CFAP61: variants seen among roughly 807,000 people sequenced by gnomAD.
CFAP61 encodes the protein cilia- and flagella-associated protein 61.
CFAP61 carries 107 observed loss-of-function variants against 135.6 expected under a neutral mutation model. The ratio of observed to expected loss-of-function variants is 0.79; its 90% CI spans 0.67 to 0.93. CFAP61 has a LOEUF of 0.93. CFAP61 is among the 40% of genes least tolerant of loss of function. The probability of loss-of-function intolerance (pLI) is 0.00; values close to 1 mark genes in which losing one functional copy is unlikely to be tolerated. For synonymous variants in CFAP61, 575 were observed against 578.5 expected, an observed-to-expected ratio of 0.99 and a Z score of 0.09; for missense variants, 1,507 against 1,556.2, an observed-to-expected ratio of 0.97 and a Z score of 0.53.
intron 22 of CFAP61, among the ~76,000 whole-genome samples, chr20:20,278,739 A>C (rs2053963025): frequency 6.6e-6 from 1 of 152,198 alleles, no homozygotes; most frequent in Non-Finnish European, 1.5e-5. Context: ...AGGGGCTCAA[A>C]GCAGACCACT....
intron 9 of CFAP61, among the ~76,000 whole-genome samples, chr20:20,158,201 C>A (rs995564517): frequency 1.3e-5 from 2 of 151,426 alleles, no homozygotes; most frequent in African/African-American, 4.9e-5. Flanking sequence ...TGTAACTAAT[C>A]TGCACAATGT....
At chr20:20,246,630 TGCCA>T (rs1472261762) in intron 19 of CFAP61, among the ~76,000 whole-genome samples, 2 of 152,256 alleles carry the variant, frequency 1.3e-5, no homozygotes, top group African/African-American at 4.8e-5. Flanking sequence ...AGAACTTCCA[TGCCA>T]GTCTGGGTGA....
chr20:20,195,611 G>A (rs111452216), intron 15 of CFAP61, among the ~76,000 whole-genome samples: 3 of 131,006 alleles, frequency 2.3e-5, no homozygotes, highest in Non-Finnish European at 3.1e-5. Context: ...CTGTGGAAAC[G>A]AGCAGTGTGC....
At position 20,142,466 on chromosome 20, in the gene CFAP61, A is replaced by T. The variant is rs115199757; in HGVS notation, c.860-391A>T. The stretch of plus-strand genomic sequence containing the variant: ...TCAAAGCCCACCATCGAGGAAGCTG[A>T]TAACCCATTGTTTGTAAACTTCAAA... On this transcript the variant is annotated intron_variant, in intron 8 of 26. Transcript: ENST00000245957. 7.6e-3 allele frequency among the ~76,000 whole-genome samples: 1,164 copies of T among 152,324 alleles called. 10 individuals are homozygous for T. Among genetic ancestry groups the T allele is most frequent in the African/African-American group, 0.026 (1,094 of 41,576 alleles).
intron 26 of CFAP61, among the ~76,000 whole-genome samples, chr20:20,344,668 T>C (rs1318771893): frequency 6.6e-6 from 1 of 152,138 alleles, no homozygotes; most frequent in Non-Finnish European, 1.5e-5. Flanking sequence ...AAAATTAGTA[T>C]AGCCACTGTA....
At chr20:20,137,681 A>G (rs2051043733) in intron 8 of CFAP61, among the ~76,000 whole-genome samples, 1 of 152,124 alleles carries the variant, frequency 6.6e-6, no homozygotes, top group Non-Finnish European at 1.5e-5. Flanking sequence ...AGGTCCAGAG[A>G]TGCCATTCAA....
At chr20:20,055,607 T>C (rs1000415849) in intron 1 of CFAP61, among the ~76,000 whole-genome samples, 1 of 152,248 alleles carries the variant, frequency 6.6e-6, no homozygotes, top group Non-Finnish European at 1.5e-5. Context: ...GTTTTCTTTT[T>C]ACCAAAGTCA....
intron 6 of CFAP61, among the ~76,000 whole-genome samples, chr20:20,090,586 A>C (rs1238002070): frequency 6.7e-6 from 1 of 149,612 alleles, no homozygotes; most frequent in African/African-American, 2.5e-5. Flanking sequence ...CCTACTCGGG[A>C]GGCTGAGGCA....
intron 20 of CFAP61, chr20:20,253,542 T>TA (rs2051183650): frequency 9.4e-5 from 45 of 481,154 alleles, no homozygotes; most frequent in South Asian, 5.4e-4. Flanking sequence ...TGTAAACCCT[T>TA]ACGTTCAGCA....
At position 20,075,613 on chromosome 20, in the gene CFAP61, C is replaced by T; in HGVS notation, c.564C>T (p.Ala188=). 6.2e-7 allele frequency: 1 copy of T among 1,614,054 alleles called. No individual in the cohort carries two copies. The highest frequency in any genetic ancestry group is 8.5e-7 in the Non-Finnish European group (1 of 1,179,928). The change falls in exon 6 of 27, where the codon GCC becomes GCT. Residue 188 remains alanine (A), a splice_region_variant and synonymous_variant. Transcript: ENST00000245957. ...SHYPQLHVRK[A]RVEDHDDLMP... Reference sequence around the variant, plus strand: ...ATCCTCAGCTGCACGTTCGCAAAGCCAGGTACAGTTGGAGTCATGCCTTGT... The same window carrying T: ...ATCCTCAGCTGCACGTTCGCAAAGCTAGGTACAGTTGGAGTCATGCCTTGT...
intron 2 of CFAP61, among the ~76,000 whole-genome samples, chr20:20,064,484 GAAGGCAGTTACCAGATCTA>G (rs888557775): frequency 1.1e-4 from 16 of 152,272 alleles, no homozygotes; most frequent in African/African-American, 3.1e-4. Flanking sequence ...TCTGGTAACA[GAAGGCAGTTACCAGATCTA>G]ATACTAAGTG....
chr20:20,303,954 G>A (rs928550181), intron 25 of CFAP61, among the ~76,000 whole-genome samples: 3 of 152,136 alleles, frequency 2.0e-5, no homozygotes, highest in African/African-American at 4.8e-5. Context: ...CCAAAACAGC[G>A]CAGGCACTAG....
intron 6 of CFAP61, among the ~76,000 whole-genome samples, chr20:20,090,582 C>T (rs751598955): frequency 6.6e-6 from 1 of 150,456 alleles, no homozygotes; most frequent in Admixed American, 6.7e-5. Context: ...CCCACCTACT[C>T]GGGAGGCTGA....
chr20:20,138,904 T>A (rs985591342), intron 8 of CFAP61, among the ~76,000 whole-genome samples: 10 of 152,216 alleles, frequency 6.6e-5, no homozygotes, highest in African/African-American at 2.2e-4. Context: ...TTCATTCTGT[T>A]CTATTCTTGC....
intron 17 of CFAP61, among the ~76,000 whole-genome samples, chr20:20,212,180 T>C (rs1400659877): frequency 2.6e-5 from 4 of 152,074 alleles, no homozygotes; most frequent in Non-Finnish European, 5.9e-5. Context: ...GCTCAGTACT[T>C]CCACCACCCC....
At chr20:20,234,800 G>T (rs1479729082) in intron 18 of CFAP61, among the ~76,000 whole-genome samples, 2 of 152,106 alleles carry the variant, frequency 1.3e-5, no homozygotes, top group African/African-American at 4.8e-5. Flanking sequence ...AGAAGCGACG[G>T]TGGAGTGGAG....
At chr20:20,091,254 C>A (rs1465512923) in intron 7 of CFAP61, among the ~76,000 whole-genome samples, 1 of 152,280 alleles carries the variant, frequency 6.6e-6, no homozygotes, top group Non-Finnish European at 1.5e-5. Flanking sequence ...CCCAGGGGTG[C>A]GTAGGGGGAT....
At chr20:20,212,294 C>T (rs149358555) in intron 17 of CFAP61, among the ~76,000 whole-genome samples, 13 of 152,270 alleles carry the variant, frequency 8.5e-5, no homozygotes, top group Admixed American at 7.8e-4. Context: ...CTCTCTGTCC[C>T]TCTCTCCCTC....
intron 18 of CFAP61, among the ~76,000 whole-genome samples, chr20:20,231,535 G>C (rs2049136999): frequency 6.6e-6 from 1 of 152,206 alleles, no homozygotes; most frequent in African/African-American, 2.4e-5. Flanking sequence ...GAGACCTCCA[G>C]GGGTGGAGAT....
Sources: gnomAD v4.1 joint callset for allele counts (sites outside exome capture counted in the v4.1 genomes callset) on GRCh38, gnomAD v4.1.1 for gene constraint, MANE v1.5 for transcripts, NCBI Gene and HGNC (gene_info 2026-07-23, HGNC 2026-07-21) for gene names.